The following RAD51B variants were observed in gnomAD, a reference collection of about 807,000 sequenced individuals.
RAD51B encodes the protein RAD51 paralog B, also known as DNA repair protein RAD51 homolog 2.
Under a neutral mutation model 42.2 loss-of-function variants are expected in RAD51B, and 38 were observed. The observed-to-expected ratio is 0.90, with a 90% CI of 0.70 to 1.18. The LOEUF (loss-of-function observed/expected upper bound fraction) is 1.18, where lower values mean the gene tolerates loss of function less well. RAD51B is among the 50% of genes most tolerant of loss of function. The probability of loss-of-function intolerance (pLI) is 0.00; values close to 1 mark genes in which losing one functional copy is unlikely to be tolerated. For missense variants in RAD51B, 373 were observed against 400.7 expected, an observed-to-expected ratio of 0.93 and a Z score of 0.59; for synonymous variants, 154 against 145.2, an observed-to-expected ratio of 1.06 and a Z score of -0.43.
At chr14:68,397,801 T>C (rs1057408857) in intron 8 of RAD51B, among the ~76,000 whole-genome samples, 1 of 152,196 alleles carries the variant, frequency 6.6e-6, no homozygotes, top group Non-Finnish European at 1.5e-5. Context: ...AGAGTGAATT[T>C]ACCAGTGTGG....
At chr14:68,526,902 G>T (rs978993016) in intron 10 of RAD51B, among the ~76,000 whole-genome samples, 1 of 152,334 alleles carries the variant, frequency 6.6e-6, no homozygotes, top group South Asian at 2.1e-4. Flanking sequence ...GCTTTGGACA[G>T]AGGCCACTCA....
chr14:68,243,271 T>C (rs1407062830), intron 7 of RAD51B, among the ~76,000 whole-genome samples: 1 of 152,196 alleles, frequency 6.6e-6, no homozygotes, highest in Non-Finnish European at 1.5e-5. Context: ...GATTATTAAA[T>C]TTTTTAAACT....
At chr14:68,155,986 A>G (rs905690868) in intron 7 of RAD51B, among the ~76,000 whole-genome samples, 2 of 152,206 alleles carry the variant, frequency 1.3e-5, no homozygotes, top group African/African-American at 4.8e-5. Flanking sequence ...TAGTGAAGTA[A>G]GAACTAGATA....
intron 10 of RAD51B, among the ~76,000 whole-genome samples, chr14:68,633,791 C>G (rs547275178): frequency 1.9e-4 from 29 of 152,340 alleles, no homozygotes; most frequent in Non-Finnish European, 4.0e-4. Context: ...AAGATGTGAC[C>G]GTCCTGGAGG....
At chr14:68,537,033 C>A (rs1322207159) in intron 10 of RAD51B, among the ~76,000 whole-genome samples, 1 of 137,332 alleles carries the variant, frequency 7.3e-6, no homozygotes, top group Non-Finnish European at 1.5e-5. Flanking sequence ...GTGAGCCATG[C>A]AGTGAGCCAT....
intron 7 of RAD51B, among the ~76,000 whole-genome samples, chr14:68,182,643 A>T (rs1479981846): frequency 1.3e-5 from 2 of 152,224 alleles, no homozygotes; most frequent in African/African-American, 4.8e-5. Context: ...AGCCAGAGAG[A>T]TGTTTAATTT....
At chr14:68,377,066 A>C (rs1291255574) in intron 8 of RAD51B, among the ~76,000 whole-genome samples, 1 of 152,218 alleles carries the variant, frequency 6.6e-6, no homozygotes, top group Non-Finnish European at 1.5e-5. Flanking sequence ...AGTTTTGCAA[A>C]CAGATTCTTG....
At chr14:68,487,592 T>C (rs1883731198) in intron 10 of RAD51B, among the ~76,000 whole-genome samples, 2 of 152,028 alleles carry the variant, frequency 1.3e-5, no homozygotes, top group South Asian at 4.1e-4. Context: ...CACTGCAGTC[T>C]CCACCTCCCA....
rs193122380 is a variant in RAD51B at position 67,941,717 on chromosome 14, G to A, written c.756+54513G>A. 6.4e-4 allele frequency among the ~76,000 whole-genome samples: 98 copies of A among 152,298 alleles called. No homozygotes were observed. In the South Asian group the frequency reaches 6.6e-3, roughly 10 times the overall value. ...AAACAGGATTGGACATAGAGATATA[G>A]CACAGTACCTCCTCCTTTTGGCTAG... On this transcript the variant is annotated intron_variant, in intron 7 of 10. Coordinates refer to ENST00000471583, the MANE Select transcript of RAD51B (RefSeq NM_133510.4).
In RAD51B at chr14:68,318,782, G is replaced by T. The variant is rs188177814; in HGVS notation, c.853+26802G>T. ...CCTAGTATTTAGTGGCATTGAACCC[G>T]CCAAAGAAAATGCTGTTTCATCTGG... On this transcript the variant is annotated intron_variant, in intron 8 of 10. Transcript: ENST00000471583. 1.2e-4 allele frequency among the ~76,000 whole-genome samples: 19 copies of T among 152,222 alleles called. No individual in the cohort carries two copies. The East Asian group carries it at 3.7e-3, about 29-fold the overall frequency.
At chr14:68,638,225 T>C (rs968412054) in intron 10 of RAD51B, among the ~76,000 whole-genome samples, 1 of 152,174 alleles carries the variant, frequency 6.6e-6, no homozygotes, top group Non-Finnish European at 1.5e-5. Context: ...GGGTCTGTAA[T>C]TGAGACTGGG....
At chr14:68,563,767 A>C (rs79086300) in intron 10 of RAD51B, 88,783 of 985,222 alleles carry the variant, frequency 0.09, 4,333 homozygotes, top group South Asian at 0.17. Context: ...ATAAACTCTG[A>C]GGCGTAACCT....
chr14:68,350,350 T>C (rs1373330270), intron 8 of RAD51B, among the ~76,000 whole-genome samples: 1 of 152,248 alleles, frequency 6.6e-6, no homozygotes, highest in African/African-American at 2.4e-5. Flanking sequence ...ATCACCATGG[T>C]TGTCAGGAAT....
chr14:68,180,316 C>G (rs1218058061), intron 7 of RAD51B, among the ~76,000 whole-genome samples: 1 of 152,130 alleles, frequency 6.6e-6, no homozygotes, highest in African/African-American at 2.4e-5. Context: ...ATCCTACAGC[C>G]TGCTTACTAA....
In RAD51B at chr14:67,884,999, G is replaced by C. The variant is rs530253861; in HGVS notation, c.453-870G>C. On this transcript the variant is annotated intron_variant, in intron 5 of 10. Coordinates refer to ENST00000471583, the MANE Select transcript of RAD51B (RefSeq NM_133510.4). ...CTTTTGTACTTTTGAGTCTCTAAATGGAAAACAAAATATAGGATGCTTTTT... is the reference window on the plus strand; with the variant it reads ...CTTTTGTACTTTTGAGTCTCTAAATCGAAAACAAAATATAGGATGCTTTTT... Among the ~76,000 whole-genome samples the C allele has an allele frequency of 8.1e-4, 123 of 152,180 alleles. 1 individual carries two copies. Among genetic ancestry groups the C allele is most frequent in the African/African-American group, 2.9e-3 (121 of 41,514 alleles).
chr14:68,278,310 A>G (rs896267131), intron 7 of RAD51B, among the ~76,000 whole-genome samples: 1 of 152,170 alleles, frequency 6.6e-6, no homozygotes, highest in African/African-American at 2.4e-5. Flanking sequence ...TGGTGAATCT[A>G]TTTGAAAGAA....
At chr14:68,579,495 G>T (rs1336899923) in intron 10 of RAD51B, among the ~76,000 whole-genome samples, 1 of 152,172 alleles carries the variant, frequency 6.6e-6, no homozygotes, top group East Asian at 1.9e-4. Context: ...AATAAACATA[G>T]AAAACACTCA....
At chr14:68,548,578 CTT>C (rs1304285895) in intron 10 of RAD51B, among the ~76,000 whole-genome samples, 1 of 152,232 alleles carries the variant, frequency 6.6e-6, no homozygotes. Flanking sequence ...AGGCCCTACT[CTT>C]AGTGTTGAGT....
rs146656455 is a variant in RAD51B, at chr14:68,123,646, A to G, written c.757-168238A>G. On this transcript the variant is annotated intron_variant, in intron 7 of 10. Coordinates refer to ENST00000471583, the MANE Select transcript of RAD51B (RefSeq NM_133510.4). Reference sequence around the variant, plus strand: ...AACGTGGTGAAACCCCATCTCTACTAAAAATACAAAAATTAGCTCGGCATG... The same window carrying G: ...AACGTGGTGAAACCCCATCTCTACTGAAAATACAAAAATTAGCTCGGCATG... Among the ~76,000 whole-genome samples the G allele has an allele frequency of 7.6e-4, 115 of 152,184 alleles. 4 individuals are homozygous for G. In the East Asian group the frequency reaches 0.017, roughly 22 times the overall value.
Sources: gnomAD v4.1 joint callset for allele counts (sites outside exome capture counted in the v4.1 genomes callset) on GRCh38, gnomAD v4.1.1 for gene constraint, MANE v1.5 for transcripts, NCBI Gene and HGNC (gene_info 2026-07-23, HGNC 2026-07-21) for gene names.